Variants in ANKRD27 observed in about 807,000 individuals in gnomAD.
ANKRD27 encodes ankyrin repeat domain-containing protein 27.
ANKRD27 carries 112 observed loss-of-function variants against 129.7 expected under a neutral mutation model. The ratio of observed to expected loss-of-function variants is 0.86; its 90% confidence interval spans 0.74 to 1.01. The LOEUF (loss-of-function observed/expected upper bound fraction) is 1.01, where lower values mean the gene tolerates loss of function less well. Ranked by LOEUF, ANKRD27 falls within the 50% of genes least tolerant of loss-of-function variation. The pLI is 0.00. For missense variants in ANKRD27, 1,258 were observed against 1,300.5 expected, an observed-to-expected ratio of 0.97 and a Z score of 0.50; for synonymous variants, 516 against 511.2, an observed-to-expected ratio of 1.01 and a Z score of -0.13.
chr19:32,624,396 T>C (rs1972059342), intron 17 of ANKRD27, among the ~76,000 whole-genome samples: 1 of 148,354 alleles, frequency 6.7e-6, no homozygotes, highest in Non-Finnish European at 1.5e-5. Context: ...ATGTGCTAGA[T>C]CAACAGGGAC....
At position 32,646,599 on chromosome 19, in the gene ANKRD27, C is replaced by A; in HGVS notation, c.230G>T (p.Gly77Val). The A allele has an allele frequency of 6.2e-7, 1 of 1,612,702 alleles. No individual in the cohort carries two copies. The change falls in exon 4 of 29, where the codon GGG becomes GTG. Residue 77 changes from glycine to valine, a missense_variant. Gly to Val is a moderately radical substitution (Grantham distance 109). Coordinates refer to ENST00000306065, the MANE Select transcript of ANKRD27 (RefSeq NM_032139.3). Reference protein sequence around the residue: ...TLNGKDVFIQGNRIKLGAGFA... With the variant: ...TLNGKDVFIQVNRIKLGAGFA... ...ACCAGCTCCTAATTTAATCCTGTTCCCTTGAATAAAGACATCCTGGAAACA... is the reference window on the plus strand; with the variant it reads ...ACCAGCTCCTAATTTAATCCTGTTCACTTGAATAAAGACATCCTGGAAACA...
chr19:32,615,974 A>G (rs1339642084), intron 21 of ANKRD27, among the ~76,000 whole-genome samples, 194 bp from the exon 22 acceptor site: 1 of 152,140 alleles, frequency 6.6e-6, no homozygotes, highest in Non-Finnish European at 1.5e-5. Flanking sequence ...TATGCCAGAG[A>G]TTATTTTCTT....
intron 21 of ANKRD27, 95 bp from the exon 22 acceptor site, chr19:32,615,875 G>A (rs1047901348): frequency 2.6e-6 from 4 of 1,509,824 alleles, no homozygotes; most frequent in Admixed American, 4.2e-5. Flanking sequence ...CCCAATCAGG[G>A]CCCACGCTTC....
intron 18 of ANKRD27, among the ~76,000 whole-genome samples, chr19:32,621,766 T>C (rs1048721070): frequency 2.6e-5 from 4 of 152,184 alleles, no homozygotes; most frequent in Admixed American, 1.3e-4. Flanking sequence ...ACGTCCATGC[T>C]GGGGTCTCCA....
intron 22 of ANKRD27, among the ~76,000 whole-genome samples, chr19:32,610,583 G>A (rs1971820722): frequency 6.6e-6 from 1 of 151,840 alleles, no homozygotes; most frequent in African/African-American, 2.4e-5. Context: ...CTTGAGGTCA[G>A]GAGTTTGAGA....
At chr19:32,658,675 T>C (rs535262217) in intron 2 of ANKRD27, among the ~76,000 whole-genome samples, 12 of 152,100 alleles carry the variant, frequency 7.9e-5, no homozygotes, top group Non-Finnish European at 1.6e-4. Context: ...AGGGCACAGT[T>C]AGCCACAGGC....
chr19:32,637,322 T>C (rs1180385453), intron 12 of ANKRD27: 1 of 152,220 alleles, frequency 6.6e-6, no homozygotes, highest in Non-Finnish European at 1.5e-5. Context: ...GTGATTTCTG[T>C]ATGATCACAT....
At chr19:32,613,757 G>A (rs927642190) in intron 22 of ANKRD27, among the ~76,000 whole-genome samples, 2 of 144,766 alleles carry the variant, frequency 1.4e-5, no homozygotes, top group African/African-American at 2.6e-5. Flanking sequence ...TGCCCAGGCT[G>A]GAGTGCGGTG....
At chr19:32,650,575 T>C (rs751339099) in intron 2 of ANKRD27, among the ~76,000 whole-genome samples, 7 of 151,626 alleles carry the variant, frequency 4.6e-5, no homozygotes. Context: ...TAATCCCAGC[T>C]ACTCGGGAGG....
At chr19:32,604,830 G>A (rs1018597820) in intron 24 of ANKRD27, among the ~76,000 whole-genome samples, 1 of 152,204 alleles carries the variant, frequency 6.6e-6, no homozygotes, top group Non-Finnish European at 1.5e-5. Context: ...GGCAGAGGCA[G>A]GTGGATCACC....
Position 32,643,683 on chromosome 19 carries a change from C to A in ANKRD27, c.526-52G>T, listed in dbSNP as rs879058568. 3.1e-6 allele frequency: 5 copies of A among 1,591,456 alleles called. No homozygotes were observed. The South Asian group carries it at 4.4e-5, about 14-fold the overall frequency. On this transcript the variant is annotated intron_variant, in intron 5 of 28. Coordinates refer to ENST00000306065, the MANE Select transcript of ANKRD27 (RefSeq NM_032139.3). ...GCCACCCTTACCAGCAAGGCCATGA[C>A]GGGGGAGCCGGAGCGGGTAAGGCGC...
chr19:32,607,987 A>T lies in ANKRD27; in HGVS notation c.2176-155T>A, dbSNP rs76849788. 5.7e-3 allele frequency among the ~76,000 whole-genome samples: 850 copies of T among 148,098 alleles called. 32 individuals carry two copies. In the East Asian group the frequency reaches 0.1, roughly 17 times the overall value. ...TCCAATTTGTTTAGAAGTATGTGGC[A>T]TGCCAAAAAACAACTTCCTTTTTTT... On this transcript the variant is annotated intron_variant, in intron 22 of 28. Coordinates refer to ENST00000306065, the MANE Select transcript of ANKRD27 (RefSeq NM_032139.3).
At chr19:32,631,920 A>C (rs779824134) in intron 12 of ANKRD27, among the ~76,000 whole-genome samples, 9 of 152,238 alleles carry the variant, frequency 5.9e-5, no homozygotes, top group Non-Finnish European at 1.3e-4. Flanking sequence ...GCCATTTCAC[A>C]AGCTGGTCTC....
At chr19:32,674,620 C>T (rs1432968949) in intron 1 of ANKRD27, among the ~76,000 whole-genome samples, 2 of 152,158 alleles carry the variant, frequency 1.3e-5, no homozygotes, top group African/African-American at 4.8e-5. Flanking sequence ...CCGCTCCGCG[C>T]CCTCATCACC....
intron 24 of ANKRD27, among the ~76,000 whole-genome samples, chr19:32,605,262 A>T (rs930883160): frequency 6.6e-6 from 1 of 152,044 alleles, no homozygotes. Flanking sequence ...CTGTAGTCCC[A>T]GTTAGCTGGG....
chr19:32,659,132 T>TA, intron 1 of ANKRD27, 87 bp from the exon 2 acceptor site: 2 of 531,114 alleles, frequency 3.8e-6, no homozygotes, highest in South Asian at 2.4e-5. Context: ...TCTGGCATTT[T>TA]CTTTTTCTTT....
intron 1 of ANKRD27, among the ~76,000 whole-genome samples, chr19:32,670,660 G>C (rs1967851740): frequency 6.6e-6 from 1 of 151,076 alleles, no homozygotes; most frequent in Admixed American, 6.6e-5. Context: ...GGCAACAGAG[G>C]GGGACTCTGT....
rs1967959627 is a variant in ANKRD27 at position 32,675,070 on chromosome 19, C to T, written c.-31+1G>A. ...GAGGAGGCCAGCGCGAGGACACTTA[C>T]TTAAAAGGCTACATCGCTTCATTCC... On this transcript the variant is annotated splice_donor_variant, in intron 1 of 28. Transcript: ENST00000306065. LOFTEE classifies it low-confidence loss of function (5UTR_SPLICE). 6.6e-6 allele frequency: 1 copy of T among 152,250 alleles called. No individual in the cohort carries two copies. The highest frequency in any genetic ancestry group is 1.5e-5 in the Non-Finnish European group (1 of 68,072). The allele number at this position is 152,250 out of a possible 1,614,324, so 9.4% of individuals were successfully genotyped here. A position where few individuals can be genotyped will look rare whatever the true frequency, so the allele number is the denominator to read the frequency against.
chr19:32,648,092 C>T (rs777568854), intron 3 of ANKRD27, among the ~76,000 whole-genome samples: 2 of 152,076 alleles, frequency 1.3e-5, no homozygotes, highest in African/African-American at 4.8e-5. Context: ...ATGGTGAAAC[C>T]CCGTCTCTAT....
Sources: gnomAD v4.1 joint callset for allele counts (sites outside exome capture counted in the v4.1 genomes callset) on GRCh38, gnomAD v4.1.1 for gene constraint, MANE v1.5 for transcripts, NCBI Gene and HGNC (gene_info 2026-07-23, HGNC 2026-07-21) for gene names.